The following ANO4 variants were observed in gnomAD, a reference collection of about 807,000 sequenced individuals.
ANO4 encodes the protein anoctamin-4.
A neutral mutation model predicts 141.9 loss-of-function variants in ANO4; 69 were observed. The observed-to-expected ratio is 0.49, with a 90% CI of 0.40 to 0.59. ANO4 has a LOEUF of 0.59. ANO4 is among the 20% of genes least tolerant of loss of function. ANO4 has a pLI of 0.00. For synonymous variants in ANO4, 350 were observed against 394.3 expected (o/e 0.89, Z 1.33); for missense variants, 894 against 1,162.2 (o/e 0.77, Z 3.36).
chr12:100,946,084 A>G (rs2042708472), intron 5 of ANO4, among the ~76,000 whole-genome samples: 1 of 152,226 alleles, frequency 6.6e-6, no homozygotes, highest in South Asian at 2.1e-4. Flanking sequence ...GAGAATAGCA[A>G]GTGCAAAGAG....
At chr12:100,802,723 G>C (rs1413196681) in intron 1 of ANO4, among the ~76,000 whole-genome samples, 3 of 152,110 alleles carry the variant, frequency 2.0e-5, no homozygotes, top group Non-Finnish European at 2.9e-5. Flanking sequence ...AGAGTGGGAG[G>C]GGGAGACAGA....
At chr12:100,971,254 C>T in intron 5 of ANO4, 52 bp from the exon 6 acceptor site, 8 of 1,343,492 alleles carry the variant, frequency 6.0e-6, no homozygotes, top group Non-Finnish European at 8.5e-6. Flanking sequence ...TCAACTTAAA[C>T]TGTGGGAGCC....
intron 15 of ANO4, 68 bp downstream of exon 15, chr12:101,079,343 A>C: frequency 7.7e-7 from 1 of 1,306,828 alleles, no homozygotes; most frequent in Non-Finnish European, 1.1e-6. Context: ...CCCCCCCCAA[A>C]ATTGTCACTC....
intron 15 of ANO4, among the ~76,000 whole-genome samples, 196 bp downstream of exon 15, chr12:101,079,471 G>A (rs927228804): frequency 1.2e-4 from 18 of 152,084 alleles, no homozygotes; most frequent in African/African-American, 1.7e-4. Flanking sequence ...TTCCTTAGTG[G>A]AATCAAATCC....
At chr12:100,739,847 T>A (rs1050325763) in intron 2 of ANO4, 2 of 702,140 alleles carry the variant, frequency 2.8e-6, no homozygotes, top group Non-Finnish European at 5.2e-6. Flanking sequence ...TATGTTTATC[T>A]CACCAGGTTA....
At chr12:101,046,041 A>G (rs960551506) in intron 13 of ANO4, among the ~76,000 whole-genome samples, 3 of 152,264 alleles carry the variant, frequency 2.0e-5, no homozygotes, top group Non-Finnish European at 4.4e-5. Flanking sequence ...AGTAAGGGTC[A>G]GAGGCCAAGG....
At chr12:101,061,155 A>G (rs964132854) in intron 14 of ANO4, among the ~76,000 whole-genome samples, 2 of 152,142 alleles carry the variant, frequency 1.3e-5, no homozygotes, top group African/African-American at 4.8e-5. Flanking sequence ...GTTTGGCTGG[A>G]TATGAAATTC....
At chr12:100,735,054 T>C (rs1429071144) in intron 2 of ANO4, among the ~76,000 whole-genome samples, 1 of 152,194 alleles carries the variant, frequency 6.6e-6, no homozygotes, top group African/African-American at 2.4e-5. Context: ...TACTGCTAGG[T>C]ACTTCATGAT....
intron 14 of ANO4, among the ~76,000 whole-genome samples, chr12:101,053,349 A>G (rs1375627440): frequency 6.6e-6 from 1 of 152,238 alleles, no homozygotes; most frequent in Non-Finnish European, 1.5e-5. Flanking sequence ...GTTCAGAGTG[A>G]TAGGGAGGTT....
intron 3 of ANO4, among the ~76,000 whole-genome samples, chr12:100,934,863 G>A (rs2042220895): frequency 6.6e-6 from 1 of 152,114 alleles, no homozygotes; most frequent in African/African-American, 2.4e-5. Context: ...ATTGTGAATG[G>A]GAGTTCAGTC....
intron 3 of ANO4, among the ~76,000 whole-genome samples, chr12:100,789,754 C>T (rs2033982364): frequency 6.6e-6 from 1 of 152,116 alleles, no homozygotes; most frequent in African/African-American, 2.4e-5. Context: ...TCCTGGAAAA[C>T]AAGTTTGTCC....
chr12:101,123,060 T>A (rs1283007018), intron 26 of ANO4, among the ~76,000 whole-genome samples: 1 of 152,206 alleles, frequency 6.6e-6, no homozygotes, highest in East Asian at 1.9e-4. Context: ...ATTTCATCTC[T>A]TGTCACATAT....
At chr12:100,751,311 A>G (rs1565854464) in intron 3 of ANO4, among the ~76,000 whole-genome samples, 1 of 152,044 alleles carries the variant, frequency 6.6e-6, no homozygotes, top group Admixed American at 6.6e-5. Context: ...TCTCAGTTTG[A>G]CCGCAAGCAT....
intron 2 of ANO4, among the ~76,000 whole-genome samples, chr12:100,902,640 G>A (rs1011005657): frequency 1.3e-5 from 2 of 152,192 alleles, no homozygotes; most frequent in Non-Finnish European, 2.9e-5. Flanking sequence ...ACTGAAGCCA[G>A]CCTCCATCTC....
At chr12:101,027,455 G>A (rs2046789509) in intron 9 of ANO4, among the ~76,000 whole-genome samples, 1 of 152,320 alleles carries the variant, frequency 6.6e-6, no homozygotes, top group East Asian at 1.9e-4. Flanking sequence ...TGCCTGATAA[G>A]CTAAGCTCTC....
Position 100,974,900 on chromosome 12 carries a change from C to T in ANO4, c.602+11C>T, listed in dbSNP as rs1476245161. The T allele has an allele frequency of 6.2e-6, 10 of 1,613,658 alleles. No individual in the cohort carries two copies. Among genetic ancestry groups the T allele is most frequent in the South Asian group, 3.3e-5 (3 of 91,072 alleles). On this transcript the variant is annotated intron_variant, in intron 7 of 27. Transcript: ENST00000392977. ...CAAGTTCATGAGCAGGTTAGTAGCA[C>T]GCTCTGTCCTGACAGTGTTTGTCTT...
At chr12:100,956,844 C>A (rs654379) in intron 5 of ANO4, among the ~76,000 whole-genome samples, 116 of 152,168 alleles carry the variant, frequency 7.6e-4, no homozygotes, top group Non-Finnish European at 9.3e-4. Flanking sequence ...AGTCTTGATT[C>A]CTTATGTCAC....
rs1042464224 is a variant in ANO4 at position 100,922,203 on chromosome 12, A to G, written c.56-23A>G. On this transcript the variant is annotated intron_variant, in intron 2 of 27. Coordinates refer to ENST00000392977, the MANE Select transcript of ANO4 (RefSeq NM_001286615.2). ...CTCTCTGATAACCAGTGCAAACTCC[A>G]TGAATATCTTTCATTTCTCTAGAAG... 10 of 1,510,230 alleles carry G rather than the reference A, an allele frequency of 6.6e-6. No homozygotes were observed. In the African/African-American group the frequency reaches 9.7e-5, roughly 15 times the overall value. 93.6% of individuals were successfully genotyped at this position (1,510,230 alleles called of 1,614,324 possible). A position where few individuals can be genotyped will look rare whatever the true frequency, so the allele number is the denominator to read the frequency against.
chr12:100,824,584 A>G (rs887342032), intron 1 of ANO4, among the ~76,000 whole-genome samples: 9 of 152,060 alleles, frequency 5.9e-5, no homozygotes, highest in Non-Finnish European at 1.2e-4. Context: ...AGAGTGTTGT[A>G]TTCTACAGAA....
Sources: allele counts gnomAD v4.1 joint callset (sites outside exome capture counted in the v4.1 genomes callset), GRCh38; gene constraint gnomAD v4.1.1; transcripts MANE v1.5; gene names NCBI Gene and HGNC (gene_info 2026-07-23, HGNC 2026-07-21).